The following CYTH3 variants were observed in gnomAD, a reference collection of about 807,000 sequenced individuals.
CYTH3 encodes cytohesin 3.
A neutral mutation model predicts 55.1 loss-of-function variants in CYTH3; 23 were observed. That is an observed-to-expected ratio of 0.42 (90% CI 0.30 to 0.59). The LOEUF (loss-of-function observed/expected upper bound fraction) is 0.59. CYTH3 is among the 20% of genes least tolerant of loss of function. The pLI is 0.20. For missense variants in CYTH3, 413 were observed against 524.8 expected, an observed-to-expected ratio of 0.79 and a Z score of 2.08; for synonymous variants, 249 against 194.9, an observed-to-expected ratio of 1.28 and a Z score of -2.31.
intron 1 of CYTH3, 88 bp downstream of exon 1, chr7:6,272,386 A>T: frequency 8.5e-7 from 1 of 1,180,768 alleles, no homozygotes; most frequent in Non-Finnish European, 1.1e-6. Flanking sequence ...CCTCCGGCGA[A>T]CCCCGGCCCA....
intron 1 of CYTH3, among the ~76,000 whole-genome samples, chr7:6,200,496 C>A (rs1228663144): frequency 6.6e-6 from 1 of 152,164 alleles, no homozygotes. Context: ...TTTCTGGCTA[C>A]CTAGTCCTAA....
chr7:6,266,147 C>A (rs1430627719), intron 1 of CYTH3, among the ~76,000 whole-genome samples: 1 of 152,128 alleles, frequency 6.6e-6, no homozygotes, highest in African/African-American at 2.4e-5. Flanking sequence ...GCAACACCTC[C>A]CTTCTCCCAA....
intron 6 of CYTH3, 61 bp downstream of exon 6, chr7:6,173,592 C>A: frequency 9.3e-7 from 1 of 1,078,650 alleles, no homozygotes. Flanking sequence ...CCACTGCTGC[C>A]CAGGCAGTGG....
In CYTH3 at chr7:6,170,684, G is replaced by A. The variant is rs371533692; in HGVS notation, c.712-38C>T. ...AAAACAGCAGCCAGTTCAGAGACTC[G>A]GAGGAAAATGGCTGGCCGGGCAGAA... On this transcript the variant is annotated intron_variant, in intron 8 of 12. Coordinates refer to ENST00000350796, the MANE Select transcript of CYTH3 (RefSeq NM_004227.4). This position sits in a 1 kb window ranked among gnomAD's most constrained non-coding sequence, Gnocchi z 7.8. 27 of 1,596,442 alleles carry A rather than the reference G, an allele frequency of 1.7e-5. No individual in the cohort carries two copies. In the African/African-American group the frequency reaches 3.5e-4, roughly 21 times the overall value.
intron 5 of CYTH3, among the ~76,000 whole-genome samples, chr7:6,176,551 A>G (rs928463293): frequency 2.0e-5 from 3 of 152,132 alleles, no homozygotes; most frequent in African/African-American, 7.2e-5. Context: ...ATGAGGCACC[A>G]CGCCTGGCCA....
In CYTH3 at chr7:6,220,371, C is replaced by G. The variant is rs575973203; in HGVS notation, c.35-29840G>C. On this transcript the variant is annotated intron_variant, in intron 1 of 12. Transcript: ENST00000350796. Reference sequence around the variant, plus strand: ...GTAGACCATAAGTTTAAATGTAAAACTATAAAACTTTAAAAGAAAACATGA... The same window carrying G: ...GTAGACCATAAGTTTAAATGTAAAAGTATAAAACTTTAAAAGAAAACATGA... 7.2e-5 allele frequency among the ~76,000 whole-genome samples: 11 copies of G among 151,950 alleles called. No individual in the cohort carries two copies. The South Asian group carries it at 2.3e-3, about 32-fold the overall frequency.
chr7:6,227,004 C>T (rs761234087), intron 1 of CYTH3, among the ~76,000 whole-genome samples: 3 of 150,940 alleles, frequency 2.0e-5, no homozygotes, highest in Non-Finnish European at 2.9e-5. Flanking sequence ...GGTGTGAACC[C>T]GGGAGGCGGA....
chr7:6,255,809 G>A lies in CYTH3; in HGVS notation c.34+16665C>T, dbSNP rs186951742. On this transcript the variant is annotated intron_variant, in intron 1 of 12. Coordinates refer to ENST00000350796, the MANE Select transcript of CYTH3 (RefSeq NM_004227.4). ...GATGGAATCTCCCTCTGTCACCCAG[G>A]CTGAAGTGCAGTGGCGCGATCTCTG... is the stretch of plus-strand genomic sequence containing the variant. Among the ~76,000 whole-genome samples the A allele has an allele frequency of 8.4e-5, 12 of 142,440 alleles. No individual in the cohort carries two copies. In the East Asian group the frequency reaches 2.5e-3, roughly 29 times the overall value. 93.4% of individuals were successfully genotyped at this position (142,440 alleles called of 152,430 possible). A position where few individuals can be genotyped will look rare whatever the true frequency, so the allele number is the denominator to read the frequency against.
intron 4 of CYTH3, among the ~76,000 whole-genome samples, chr7:6,186,337 G>T (rs1469033963): frequency 2.0e-5 from 3 of 151,370 alleles, no homozygotes; most frequent in African/African-American, 7.3e-5. Context: ...TGGACACGCC[G>T]TTCCTCTCCT....
chr7:6,245,679 C>T lies in CYTH3; in HGVS notation c.34+26795G>A, dbSNP rs576601010. Among the ~76,000 whole-genome samples, 281 of 152,290 alleles carry T rather than the reference C, an allele frequency of 1.8e-3. 1 individual carries two copies. The highest frequency in any genetic ancestry group is 2.8e-3 in the Non-Finnish European group (188 of 68,028). Reference sequence around the variant, plus strand: ...CAGCACTTCGGGAGGCCGAGGCAGGCGGATCACCTGAGATCAGGACTTGGA... The same window carrying T: ...CAGCACTTCGGGAGGCCGAGGCAGGTGGATCACCTGAGATCAGGACTTGGA... On this transcript the variant is annotated intron_variant, in intron 1 of 12. Transcript: ENST00000350796.
intron 1 of CYTH3, 137 bp downstream of exon 1, chr7:6,272,337 C>G: frequency 1.2e-6 from 1 of 852,118 alleles, no homozygotes. Context: ...TGCCTCAGGC[C>G]TCCAGCGGAC....
Position 6,162,241 on chromosome 7 carries a change from T to C in CYTH3, c.*2703A>G, listed in dbSNP as rs956620004. On this transcript the variant is annotated 3_prime_UTR_variant, in exon 13 of 13. Transcript: ENST00000350796. ...AGTTGCTGCTTATCTGGGTCCAGGG[T>C]CAGTACAATTAAACTCAAATATGAA... 2.0e-5 allele frequency: 3 copies of C among 152,308 alleles called. No homozygotes were observed. Among genetic ancestry groups the C allele is most frequent in the African/African-American group, 7.2e-5 (3 of 41,446 alleles). 9.4% of individuals were successfully genotyped at this position (152,308 alleles called of 1,614,324 possible).
intron 1 of CYTH3, among the ~76,000 whole-genome samples, chr7:6,256,414 C>A (rs1780107172): frequency 6.6e-6 from 1 of 152,210 alleles, no homozygotes; most frequent in African/African-American, 2.4e-5. Flanking sequence ...CTTTGCTCCC[C>A]TTTACAGGTA....
At chr7:6,216,443 A>G (rs1250616319) in intron 1 of CYTH3, among the ~76,000 whole-genome samples, 3 of 152,106 alleles carry the variant, frequency 2.0e-5, no homozygotes, top group African/African-American at 7.2e-5. Flanking sequence ...GATATACTCA[A>G]TCAAAAACAT....
At chr7:6,228,198 T>C (rs1388465760) in intron 1 of CYTH3, among the ~76,000 whole-genome samples, 1 of 152,244 alleles carries the variant, frequency 6.6e-6, no homozygotes, top group East Asian at 1.9e-4. Context: ...TCACCTTTTT[T>C]CCAGTTTCAA....
chr7:6,267,439 C>G (rs1196196520), intron 1 of CYTH3, among the ~76,000 whole-genome samples: 1 of 152,220 alleles, frequency 6.6e-6, no homozygotes, highest in Non-Finnish European at 1.5e-5. Flanking sequence ...CTCAAAAATA[C>G]AGTAGTTAAC....
rs1460206046 is a variant in CYTH3, at chr7:6,171,752, C to G, written c.450-438G>C. ...CACAGGACGGTATCCAAAGCCCCAC[C>G]TACAGCACTGGGCGCTGCGGTCAGA... On this transcript the variant is annotated intron_variant, in intron 6 of 12. Coordinates refer to ENST00000350796, the MANE Select transcript of CYTH3 (RefSeq NM_004227.4). The surrounding 1 kb of genome is among the most constrained non-coding windows in gnomAD (Gnocchi z 6.7). 1 of 190,034 alleles carries G rather than the reference C, an allele frequency of 5.3e-6. No individual in the cohort carries two copies. Among genetic ancestry groups the G allele is most frequent in the African/African-American group, 2.3e-5 (1 of 43,496 alleles). 11.8% of individuals were successfully genotyped at this position (190,034 alleles called of 1,614,324 possible). A position where few individuals can be genotyped will look rare whatever the true frequency, so the allele number is the denominator to read the frequency against.
chr7:6,225,899 T>G (rs533182991), intron 1 of CYTH3, among the ~76,000 whole-genome samples: 1 of 152,022 alleles, frequency 6.6e-6, no homozygotes, highest in African/African-American at 2.4e-5. Flanking sequence ...AGACTGGTCT[T>G]GAACTCCTGA....
In CYTH3 at chr7:6,167,943, A is replaced by AG. The variant is rs1562874009; in HGVS notation, c.824-2134dup. Among the ~76,000 whole-genome samples the AG allele has an allele frequency of 6.6e-6, 1 of 152,166 alleles. No individual in the cohort carries two copies. Among genetic ancestry groups the AG allele is most frequent in the Non-Finnish European group, 1.5e-5 (1 of 68,026 alleles). ...CCATCCCTGTCCAGTCCTCAGGGCCAGGGGGTCGTTGCAGACCAGGACTGC... is the reference window on the plus strand; with the variant it reads ...CCATCCCTGTCCAGTCCTCAGGGCCAGGGGGGTCGTTGCAGACCAGGACTGC... On this transcript the variant is annotated intron_variant, in intron 9 of 12. Transcript: ENST00000350796. This position sits in a 1 kb window ranked among gnomAD's most constrained non-coding sequence, Gnocchi z 5.5.
Sources: gnomAD v4.1 joint callset for allele counts (sites outside exome capture counted in the v4.1 genomes callset) on GRCh38, gnomAD v4.1.1 for gene constraint, Gnocchi (gnomAD v3.1) non-coding constraint, MANE v1.5 for transcripts, NCBI Gene and HGNC (gene_info 2026-07-23, HGNC 2026-07-21) for gene names.